BRAF: variants seen among roughly 807,000 people sequenced by gnomAD.
BRAF encodes serine/threonine-protein kinase B-raf.
BRAF carries 16 observed loss-of-function variants against 104.6 expected under a neutral mutation model. The observed-to-expected ratio is 0.15, with a 90% CI of 0.10 to 0.23. BRAF has a LOEUF of 0.23. Ranked by LOEUF, BRAF falls within the 10% of genes least tolerant of loss-of-function variation. The pLI is 1.00. For synonymous variants in BRAF, 310 were observed against 341.6 expected, an observed-to-expected ratio of 0.91 and a Z score of 1.02; for missense variants, 541 against 937.3, an observed-to-expected ratio of 0.58 and a Z score of 5.52.
At chr7:140,718,558 G>C (rs1232029041), downstream of BRAF, among the ~76,000 whole-genome samples, 2 of 145,684 alleles carry the variant, frequency 1.4e-5, no homozygotes, top group Non-Finnish European at 2.9e-5. Context: ...CCTAATTTTT[G>C]TATTTTTTAG....
intron 1 of BRAF, among the ~76,000 whole-genome samples, chr7:140,895,492 C>A (rs1012539997): frequency 2.6e-5 from 4 of 152,164 alleles, no homozygotes; most frequent in Admixed American, 6.5e-5. Flanking sequence ...ACTATAGTCA[C>A]CCTATACTAC....
chr7:140,789,344 C>G (rs538575198), intron 8 of BRAF, among the ~76,000 whole-genome samples: 1 of 152,258 alleles, frequency 6.6e-6, no homozygotes, highest in East Asian at 1.9e-4. Context: ...TTTAGTTTAA[C>G]TTAAATATGA....
At chr7:140,715,034 G>A (rs933806506), downstream of BRAF, among the ~76,000 whole-genome samples, 1 of 152,172 alleles carries the variant, frequency 6.6e-6, no homozygotes, top group African/African-American at 2.4e-5. Flanking sequence ...GTGAGGAGAG[G>A]GTGGGACTAG....
intron 14 of BRAF, among the ~76,000 whole-genome samples, chr7:140,763,594 T>TA (rs1195825909): frequency 6.6e-6 from 1 of 151,880 alleles, no homozygotes; most frequent in Admixed American, 6.5e-5. Flanking sequence ...ATAGATGCAA[T>TA]AAAAAAATGA....
At position 140,787,581 on chromosome 7, in the gene BRAF, A is replaced by T. The variant is rs147732750; in HGVS notation, c.1144T>A (p.Leu382Met). 46 of 1,611,716 alleles carry T rather than the reference A, an allele frequency of 2.9e-5. No homozygotes were observed. Among genetic ancestry groups the T allele is most frequent in the Non-Finnish European group, 3.6e-5 (43 of 1,178,092 alleles). Residue 382 changes from leucine to methionine, a missense_variant, in exon 9 of 20, where the codon TTG becomes ATG. Transcript: ENST00000644969. The part of the protein sequence containing the change: ...NTIEPVNIDD[L>M]IRDQGFRGDG... ...CCACGAAATCCTTGGTCTCTAATCA[A>T]GTCCTACAAATAAATAGTAATGTAT... is the stretch of plus-strand genomic sequence containing the variant.
At chr7:140,828,614 T>A (rs1806346019) in intron 3 of BRAF, among the ~76,000 whole-genome samples, 1 of 152,200 alleles carries the variant, frequency 6.6e-6, no homozygotes. Context: ...TACAAGTCTT[T>A]TCACAGGCTG....
At chr7:140,780,244 C>A (rs890928707) in intron 12 of BRAF, 11 of 131,374 alleles carry the variant, frequency 8.4e-5, no homozygotes, top group Non-Finnish European at 1.6e-4. Context: ...AAAACACAGT[C>A]TTTTTTTTTT....
At chr7:140,795,916 T>C (rs377064859) in intron 7 of BRAF, among the ~76,000 whole-genome samples, 3 of 152,348 alleles carry the variant, frequency 2.0e-5, no homozygotes, top group African/African-American at 7.2e-5. Context: ...AGAGCTGTCT[T>C]TATTTTTGCT....
At chr7:140,818,440 G>A (rs1281014497) in intron 3 of BRAF, among the ~76,000 whole-genome samples, 1 of 151,728 alleles carries the variant, frequency 6.6e-6, no homozygotes, top group East Asian at 1.9e-4. Context: ...AGCCTCCCGA[G>A]TAGCTGGGAT....
Position 140,723,384 on chromosome 7 carries a change from T to A in BRAF, c.*3110A>T, listed in dbSNP as rs1226458732. 3 of 1,054,594 alleles carry A rather than the reference T, an allele frequency of 2.8e-6. No homozygotes were observed. The highest frequency in any genetic ancestry group is 3.4e-6 in the Non-Finnish European group (3 of 872,830). The allele number at this position is 1,054,594 out of a possible 1,614,324, so 65.3% of individuals were successfully genotyped here. ...AACACCAACATAAATATAGCATATA[T>A]CATTTGTATGGGATTTTATCTTCTA... On this transcript the variant is annotated 3_prime_UTR_variant, in exon 20 of 20. Coordinates refer to ENST00000644969, the MANE Select transcript of BRAF (RefSeq NM_001374258.1).
intron 7 of BRAF, among the ~76,000 whole-genome samples, chr7:140,797,874 A>G (rs566936984): frequency 1.2e-4 from 19 of 152,330 alleles, no homozygotes; most frequent in African/African-American, 4.1e-4. Context: ...TGATTTGACC[A>G]TCTAAAAAAA....
chr7:140,888,835 T>C (rs1325461146), intron 1 of BRAF, among the ~76,000 whole-genome samples: 1 of 144,124 alleles, frequency 6.9e-6, no homozygotes, highest in Non-Finnish European at 1.5e-5. Context: ...AACTCCGTCT[T>C]AAAAAAAAAA....
intron 2 of BRAF, among the ~76,000 whole-genome samples, chr7:140,838,342 T>C (rs1807570294): frequency 6.6e-6 from 1 of 152,146 alleles, no homozygotes; most frequent in African/African-American, 2.4e-5. Context: ...GTAAAACAAA[T>C]TATTGTAGAG....
At chr7:140,869,765 T>C (rs1184654620) in intron 1 of BRAF, among the ~76,000 whole-genome samples, 1 of 152,252 alleles carries the variant, frequency 6.6e-6, no homozygotes, top group African/African-American at 2.4e-5. Context: ...GTTATCTGCA[T>C]TGTTGGTATT....
At chr7:140,744,499 C>T (rs1259931644) in intron 17 of BRAF, among the ~76,000 whole-genome samples, 1 of 152,210 alleles carries the variant, frequency 6.6e-6, no homozygotes, top group African/African-American at 2.4e-5. Context: ...GAGTCTTGAG[C>T]AGCTTTCAGT....
At chr7:140,905,426 T>A (rs890921095) in intron 1 of BRAF, among the ~76,000 whole-genome samples, 52 of 152,352 alleles carry the variant, frequency 3.4e-4, no homozygotes, top group African/African-American at 1.3e-3. Context: ...TGCCTTACTG[T>A]CCACCTTTGA....
intron 1 of BRAF, among the ~76,000 whole-genome samples, chr7:140,868,605 G>C (rs1811229600): frequency 6.6e-6 from 1 of 152,134 alleles, no homozygotes; most frequent in Middle Eastern, 3.4e-3. Flanking sequence ...CTAAGGGTGT[G>C]GGGTTTCTTT....
intron 14 of BRAF, among the ~76,000 whole-genome samples, chr7:140,755,799 A>G (rs1481763284): frequency 1.3e-5 from 2 of 152,020 alleles, no homozygotes; most frequent in Non-Finnish European, 2.9e-5. Flanking sequence ...CATTAGAAAG[A>G]AAGGGGGATA....
chr7:140,745,137 T>C (rs1176187091), intron 17 of BRAF, among the ~76,000 whole-genome samples: 5 of 152,124 alleles, frequency 3.3e-5, no homozygotes, highest in Non-Finnish European at 7.4e-5. Flanking sequence ...CGGTATGGTT[T>C]TTAGATTTTG....
Sources: gnomAD v4.1 joint callset for allele counts (sites outside exome capture counted in the v4.1 genomes callset) on GRCh38, gnomAD v4.1.1 for gene constraint, MANE v1.5 for transcripts, NCBI Gene and HGNC (gene_info 2026-07-23, HGNC 2026-07-21) for gene names.